Variants in BRAF observed in about 807,000 individuals in gnomAD.
BRAF encodes B-Raf proto-oncogene, serine/threonine kinase, also known as serine/threonine-protein kinase B-raf.
A neutral mutation model predicts 104.6 loss-of-function variants in BRAF; 16 were observed. The ratio of observed to expected loss-of-function variants is 0.15; its 90% CI spans 0.10 to 0.23. BRAF has a LOEUF of 0.23. BRAF is among the 10% of genes least tolerant of loss of function. The pLI, the probability that BRAF is intolerant of heterozygous loss-of-function variation, is 1.00. For missense variants in BRAF, 541 were observed against 937.3 expected (o/e 0.58, Z 5.52); for synonymous variants, 310 against 341.6 (o/e 0.91, Z 1.02).
At chr7:140,849,771 C>T (rs560865117) in intron 2 of BRAF, among the ~76,000 whole-genome samples, 4 of 151,946 alleles carry the variant, frequency 2.6e-5, no homozygotes, top group African/African-American at 9.7e-5. Flanking sequence ...GAGATTGTGT[C>T]ACTGCACTCC....
intron 1 of BRAF, among the ~76,000 whole-genome samples, chr7:140,881,477 A>C (rs1467075300): frequency 6.6e-6 from 1 of 152,060 alleles, no homozygotes; most frequent in African/African-American, 2.4e-5. Flanking sequence ...CTGGTCTCGA[A>C]CTCCTAGCCT....
chr7:140,750,962 A>G (rs1489980066), intron 16 of BRAF, among the ~76,000 whole-genome samples: 1 of 152,180 alleles, frequency 6.6e-6, no homozygotes, highest in East Asian at 1.9e-4. Context: ...AACAAAGTTG[A>G]GAAGAACATT....
chr7:140,921,503 AAAC>A (rs1339642807), intron 1 of BRAF, among the ~76,000 whole-genome samples: 2 of 152,158 alleles, frequency 1.3e-5, no homozygotes, highest in African/African-American at 4.8e-5. Flanking sequence ...AAAAAATTAA[AAAC>A]AACCTAACAC....
chr7:140,886,363 T>C (rs1028152238), intron 1 of BRAF, among the ~76,000 whole-genome samples: 2 of 152,156 alleles, frequency 1.3e-5, no homozygotes, highest in African/African-American at 4.8e-5. Context: ...AACACATAAC[T>C]GATTCACAAC....
chr7:140,883,456 A>C (rs553565757), intron 1 of BRAF, among the ~76,000 whole-genome samples: 4 of 152,334 alleles, frequency 2.6e-5, no homozygotes, highest in Admixed American at 2.6e-4. Flanking sequence ...CTAGTTAATT[A>C]ATATTATTCA....
At chr7:140,763,306 C>A (rs1798957031) in intron 14 of BRAF, among the ~76,000 whole-genome samples, 1 of 149,710 alleles carries the variant, frequency 6.7e-6, no homozygotes, top group Admixed American at 6.6e-5. Context: ...CCACCTCCCT[C>A]CTGGACAGGG....
intron 3 of BRAF, among the ~76,000 whole-genome samples, chr7:140,815,497 G>A (rs1431580438): frequency 7.1e-6 from 1 of 141,628 alleles, no homozygotes; most frequent in Non-Finnish European, 1.5e-5. Context: ...GCAATGGTGC[G>A]ACCTAGAATC....
Position 140,887,992 on chromosome 7 carries a change from C to A in BRAF, c.138+36574G>T, listed in dbSNP as rs143071827. 3.3e-3 allele frequency among the ~76,000 whole-genome samples: 495 copies of A among 152,184 alleles called. 3 individuals carry two copies. Among genetic ancestry groups the A allele is most frequent in the African/African-American group, 0.011 (473 of 41,500 alleles). ...GGTTCAAGTGATTCTCCTGCCTCAGCCTCCCAAGTAGCTGGGACTACAGGC... is the reference window on the plus strand; with the variant it reads ...GGTTCAAGTGATTCTCCTGCCTCAGACTCCCAAGTAGCTGGGACTACAGGC... On this transcript the variant is annotated intron_variant, in intron 1 of 19. Transcript: ENST00000644969.
At chr7:140,781,828 T>C (rs754199440) in intron 11 of BRAF, 135 bp from the exon 11 acceptor site, 11 of 730,330 alleles carry the variant, frequency 1.5e-5, no homozygotes, top group Admixed American at 4.3e-5. Flanking sequence ...TCTGGAAGAA[T>C]AGTAGTTAAA....
intron 3 of BRAF, chr7:140,834,315 G>A (rs1316025917): frequency 1.1e-5 from 6 of 543,868 alleles, no homozygotes; most frequent in African/African-American, 3.8e-5. Context: ...TAATGAACAA[G>A]CTCAAGTCTT....
intron 16 of BRAF, 95 bp from the exon 16 acceptor site, chr7:140,749,513 TAA>T: frequency 6.9e-6 from 9 of 1,305,582 alleles, no homozygotes; most frequent in Admixed American, 1.8e-5. Flanking sequence ...CTTTTACCAT[TAA>T]AACACCTGTC....
chr7:140,763,293 C>T (rs1362941073), intron 14 of BRAF, among the ~76,000 whole-genome samples: 1 of 146,518 alleles, frequency 6.8e-6, no homozygotes, highest in Non-Finnish European at 1.5e-5. Context: ...GGGCTGACCC[C>T]CCCCACCTCC....
At chr7:140,847,670 T>C (rs1187637149) in intron 2 of BRAF, among the ~76,000 whole-genome samples, 1 of 152,214 alleles carries the variant, frequency 6.6e-6, no homozygotes, top group Non-Finnish European at 1.5e-5. Flanking sequence ...TTCTTAATAT[T>C]TGAATCAGGA....
chr7:140,922,374 C>G (rs1376176257), intron 1 of BRAF, among the ~76,000 whole-genome samples: 1 of 152,168 alleles, frequency 6.6e-6, no homozygotes, highest in African/African-American at 2.4e-5. Flanking sequence ...CTTACTAAAT[C>G]AGACTCTTCA....
At chr7:140,918,128 A>T (rs1817817980) in intron 1 of BRAF, among the ~76,000 whole-genome samples, 1 of 152,222 alleles carries the variant, frequency 6.6e-6, no homozygotes, top group Non-Finnish European at 1.5e-5. Flanking sequence ...AGTAGCTCTA[A>T]AATTTTTACA....
intron 19 of BRAF, among the ~76,000 whole-genome samples, chr7:140,730,017 A>G (rs1239913244): frequency 6.6e-6 from 1 of 152,222 alleles, no homozygotes; most frequent in African/African-American, 2.4e-5. Context: ...GGAAAAAAAT[A>G]AAAGAATCCA....
Position 140,800,467 on chromosome 7 carries a change from G to A in BRAF, c.875C>T (p.Ser292Phe). 1 of 1,614,138 alleles carries A rather than the reference G, an allele frequency of 6.2e-7. No homozygotes were observed. Among genetic ancestry groups the A allele is most frequent in the Non-Finnish European group, 8.5e-7 (1 of 1,180,024 alleles). The change falls in exon 7 of 20, where the codon TCC becomes TTC. Residue 292 changes from serine (S) to phenylalanine (F), a missense_variant. Transcript: ENST00000644969. The stretch of plus-strand genomic sequence containing the variant: ...TATTGGGTGGTGTTCAAAGAACTTG[G>A]AGACAAACAGCAAACTGTGAGGCAA... Reference protein sequence around the residue: ...NYDQLDLLFVSKFFEHHPIPQ... With the variant: ...NYDQLDLLFVFKFFEHHPIPQ...
intron 14 of BRAF, among the ~76,000 whole-genome samples, chr7:140,757,541 G>A (rs1798308055): frequency 6.6e-6 from 1 of 152,174 alleles, no homozygotes; most frequent in Non-Finnish European, 1.5e-5. Context: ...GCCTGCCTCA[G>A]CCTTCCAAAG....
rs544669325 is a variant in BRAF at position 140,884,872 on chromosome 7, CA to C, written c.139-34661del. Among the ~76,000 whole-genome samples, 189 of 151,526 alleles carry C rather than the reference CA, an allele frequency of 1.2e-3. 1 individual carries two copies. The highest frequency in any genetic ancestry group is 4.1e-3 in the African/African-American group (169 of 41,286). Reference sequence around the variant, plus strand: ...ATGTTTAAAATTCATTTTAAAATGACAAAAAAACTAATTAACAAAAGTGATC... The same window carrying C: ...ATGTTTAAAATTCATTTTAAAATGACAAAAAACTAATTAACAAAAGTGATC... On this transcript the variant is annotated intron_variant, in intron 1 of 19. Coordinates refer to ENST00000644969, the MANE Select transcript of BRAF (RefSeq NM_001374258.1).
Sources: gnomAD v4.1 joint callset for allele counts (sites outside exome capture counted in the v4.1 genomes callset) on GRCh38, gnomAD v4.1.1 for gene constraint, MANE v1.5 for transcripts, NCBI Gene and HGNC (gene_info 2026-07-23, HGNC 2026-07-21) for gene names.